The following STARD8 variants were observed in gnomAD, a reference collection of about 807,000 sequenced individuals.
The protein encoded by STARD8 is StAR related lipid transfer domain containing 8.
STARD8 carries 25 observed loss-of-function variants against 69.4 expected under a neutral mutation model. That is an observed-to-expected ratio of 0.36 (90% CI 0.26 to 0.50). The LOEUF (loss-of-function observed/expected upper bound fraction) is 0.50, where lower values mean the gene tolerates loss of function less well. Ranked by LOEUF, STARD8 falls within the 20% of genes least tolerant of loss-of-function variation. STARD8 has a pLI of 0.96. For missense variants in STARD8, 921 were observed against 932.5 expected (o/e 0.99, Z 0.16); for synonymous variants, 389 against 374.6 (o/e 1.04, Z -0.45).
intron 2 of STARD8, among the ~76,000 whole-genome samples, chrX:68,689,218 A>T (rs182206383): frequency 4.8e-5 from 5 of 105,076 alleles, no homozygotes; most frequent in African/African-American, 1.8e-4. Context: ...CGTCTGTGCC[A>T]CTACGGTCAC....
At position 68,721,660 on chromosome X, in the gene STARD8, C is replaced by A. The variant is rs751767749; in HGVS notation, c.2373C>A (p.Asn791Lys). The A allele has an allele frequency of 1.6e-6, 2 of 1,212,259 alleles. No homozygotes were observed. Among genetic ancestry groups the A allele is most frequent in the Non-Finnish European group, 2.2e-6 (2 of 895,616 alleles). Residue 791 changes from asparagine to lysine, a missense_variant, in exon 10 of 15, where the codon AAC (asparagine) becomes AAA (lysine). Physicochemically the swap from Asn to Lys is moderately conservative, Grantham distance 94. Coordinates refer to ENST00000374599, the MANE Select transcript of STARD8 (RefSeq NM_001142503.3). ...GTGACATTGCCTCTGCCGAGGAAAA[C>A]CAGATGACAGCAGGCAACCTGGCAG... is the stretch of plus-strand genomic sequence containing the variant. ...FLSDIASAEE[N>K]QMTAGNLAVC...
chrX:68,666,093 C>T (rs2079681775), intron 2 of STARD8, among the ~76,000 whole-genome samples: 1 of 111,773 alleles, frequency 8.9e-6, no homozygotes, highest in African/African-American at 3.3e-5. Context: ...CTTCCTGGTG[C>T]CTCTGGTGTC....
intron 1 of STARD8, among the ~76,000 whole-genome samples, chrX:68,652,965 CCACACACCACACACCACA>C (rs2079565355): frequency 2.1e-5 from 1 of 47,068 alleles, no homozygotes; most frequent in African/African-American, 8.6e-5. Context: ...CACACACACA[CCACACACCACACACCACA>C]CACACACCAC....
intron 1 of STARD8, among the ~76,000 whole-genome samples, chrX:68,652,843 C>A (rs866225791): frequency 6.5e-5 from 1 of 15,333 alleles, no homozygotes; most frequent in Non-Finnish European, 1.2e-4. Flanking sequence ...CCACACACAC[C>A]CCCACACACC....
intron 2 of STARD8, 74 bp downstream of exon 2, chrX:68,665,606 C>G: frequency 9.3e-7 from 1 of 1,079,038 alleles, no homozygotes. Context: ...ATGGGGCAAC[C>G]GATCAGGTCC....
At position 68,725,348 on chromosome X, in the gene STARD8, G is replaced by A. The variant is rs1032900771; in HGVS notation, c.*926G>A. On this transcript the variant is annotated 3_prime_UTR_variant, in exon 15 of 15. Transcript: ENST00000374599. ...TGGCCCCTGGGCCAGCCAGATGGAAGGGCCTATCTTAGCCAGCTGGAGCTT... is the reference window on the plus strand; with the variant it reads ...TGGCCCCTGGGCCAGCCAGATGGAAAGGCCTATCTTAGCCAGCTGGAGCTT... 7.8e-4 allele frequency: 86 copies of A among 110,210 alleles called. No homozygotes were observed. The highest frequency in any genetic ancestry group is 2.7e-3 in the African/African-American group (81 of 30,243). 9.1% of individuals were successfully genotyped at this position (110,210 alleles called of 1,213,427 possible).
At chrX:68,720,482 A>G (rs1443077299) in intron 8 of STARD8, 59 bp downstream of exon 8, 1 of 1,099,640 alleles carries the variant, frequency 9.1e-7, no homozygotes, top group African/African-American at 1.8e-5. Context: ...GGTGGTGGGC[A>G]TTGGGCTGAA....
Position 68,717,650 on chromosome X carries a change from C to T in STARD8, c.736C>T (p.Arg246Cys), listed in dbSNP as rs202186914. 4.7e-5 allele frequency: 57 copies of T among 1,210,721 alleles called. No individual in the cohort carries two copies. The highest frequency in any genetic ancestry group is 2.3e-4 in the Middle Eastern group (1 of 4,374). The change falls in exon 6 of 15, where the codon CGC (arginine) becomes TGC (cysteine). Residue 246 changes from arginine (R) to cysteine (C), a missense_variant. Coordinates refer to ENST00000374599, the MANE Select transcript of STARD8 (RefSeq NM_001142503.3). ...SEKVSKASSFRSCRGFLSAGF... is the reference protein window; with the variant it reads ...SEKVSKASSFCSCRGFLSAGF... ...GAAGGTCTCCAAAGCCTCATCTTTC[C>T]GCAGTTGTCGTGGCTTCCTCTCAGC...
chrX:68,677,676 G>T lies in STARD8; in HGVS notation c.79+12144G>T, dbSNP rs894493088. On this transcript the variant is annotated intron_variant, in intron 2 of 14. Coordinates refer to ENST00000374599, the MANE Select transcript of STARD8 (RefSeq NM_001142503.3). ...AAAGTTACTTGGCTTGCAAAATGCT[G>T]CTCCTCCACCAAGTGGGCACTGGCC... 5.4e-5 allele frequency among the ~76,000 whole-genome samples: 6 copies of T among 111,482 alleles called. No individual in the cohort carries two copies. In the Admixed American group the frequency reaches 5.7e-4, roughly 11 times the overall value.
Position 68,723,585 on chromosome X carries a change from G to A in STARD8, c.2800-41G>A, listed in dbSNP as rs367817166. ...TTAGGGCTGGAGTCAGAGTTCTCCA[G>A]CCCTGACAGCTGCCCCCATCCCCAC... On this transcript the variant is annotated intron_variant, in intron 12 of 14. Transcript: ENST00000374599. The A allele has an allele frequency of 3.8e-5, 42 of 1,104,574 alleles. No homozygotes were observed. The African/African-American group carries it at 7.3e-4, about 19-fold the overall frequency. 91.0% of individuals were successfully genotyped at this position (1,104,574 alleles called of 1,213,427 possible).
chrX:68,689,351 G>C (rs2079858756), intron 2 of STARD8, among the ~76,000 whole-genome samples: 1 of 110,765 alleles, frequency 9.0e-6, no homozygotes, highest in South Asian at 3.9e-4. Flanking sequence ...CTTTGAGATG[G>C]GCCAGTAAGG....
intron 1 of STARD8, among the ~76,000 whole-genome samples, chrX:68,662,145 T>C (rs990367657): frequency 1.8e-5 from 2 of 110,153 alleles, no homozygotes; most frequent in Non-Finnish European, 3.8e-5. Context: ...GTAGCTGGGA[T>C]TGTAGGCATG....
intron 1 of STARD8, among the ~76,000 whole-genome samples, chrX:68,653,480 CA>C (rs2079588382): frequency 2.8e-5 from 1 of 35,615 alleles, no homozygotes; most frequent in South Asian, 1.8e-3. Context: ...ACCCCACACA[CA>C]CACCCCACAC....
chrX:68,674,103 G>A (rs1448091111), intron 2 of STARD8, among the ~76,000 whole-genome samples: 1 of 110,820 alleles, frequency 9.0e-6, no homozygotes, highest in Admixed American at 9.6e-5. Flanking sequence ...AGACCAGCCT[G>A]ACCAACATGG....
At chrX:68,692,314 A>G (rs777346036) in intron 2 of STARD8, among the ~76,000 whole-genome samples, 10 of 112,004 alleles carry the variant, frequency 8.9e-5, no homozygotes, top group African/African-American at 2.9e-4. Context: ...TGGGACACAC[A>G]GTGGTGGTAG....
At chrX:68,654,001 C>T (rs771808970) in intron 1 of STARD8, among the ~76,000 whole-genome samples, 2 of 111,826 alleles carry the variant, frequency 1.8e-5, no homozygotes, top group African/African-American at 6.5e-5. Flanking sequence ...CCATCTCAAC[C>T]ATGACCTCTG....
At chrX:68,713,066 C>A (rs1031516713) in intron 3 of STARD8, 81 bp downstream of exon 3, 22 of 971,670 alleles carry the variant, frequency 2.3e-5, no homozygotes, top group Non-Finnish European at 3.1e-5. Flanking sequence ...AAGTCAGATT[C>A]TCTTTCCAAC....
At position 68,718,368 on chromosome X, in the gene STARD8, C is replaced by A. The variant is rs779018973; in HGVS notation, c.1454C>A (p.Pro485Gln). 8.3e-7 allele frequency: 1 copy of A among 1,203,982 alleles called. No homozygotes were observed. The highest frequency in any genetic ancestry group is 1.1e-6 in the Non-Finnish European group (1 of 891,176). The change falls in exon 6 of 15, where the codon CCG becomes CAG. Residue 485 changes from proline (P) to glutamine (Q), a missense_variant. Physicochemically the swap from Pro to Gln is moderately conservative, Grantham distance 76 (BLOSUM62 -1). Transcript: ENST00000374599. ...EPVAQEEAEA[P>Q]APAPAPAPAQ... is the part of the protein sequence containing the mutation. Reference sequence around the variant, plus strand: ...GTGGCACAGGAAGAGGCTGAGGCCCCGGCCCCAGCCCCGGCCCCGGCCCCA... The same window carrying A: ...GTGGCACAGGAAGAGGCTGAGGCCCAGGCCCCAGCCCCGGCCCCGGCCCCA...
At chrX:68,716,532 T>A (rs1166993211) in intron 5 of STARD8, 101 bp downstream of exon 5, 11 of 837,256 alleles carry the variant, frequency 1.3e-5, no homozygotes, top group Non-Finnish European at 1.9e-5. Context: ...ATCCCAGGAG[T>A]CTGAGATGTC....
Sources: gnomAD v4.1 joint callset for allele counts (sites outside exome capture counted in the v4.1 genomes callset) on GRCh38, gnomAD v4.1.1 for gene constraint, MANE v1.5 for transcripts, NCBI Gene and HGNC (gene_info 2026-07-23, HGNC 2026-07-21) for gene names.